Variants in ATP6V0A4 observed in about 807,000 individuals in gnomAD.
ATP6V0A4 encodes the protein ATPase H+ transporting V0 subunit a4, also known as V-type proton ATPase 116 kDa subunit a 4.
ATP6V0A4 carries 86 observed loss-of-function variants against 107.3 expected under a neutral mutation model. The observed-to-expected ratio is 0.80, with a 90% CI of 0.67 to 0.96. The LOEUF (loss-of-function observed/expected upper bound fraction) is 0.96. Among genes scored for constraint, ATP6V0A4 ranks in the 40% least tolerant of loss-of-function variants. ATP6V0A4 has a pLI of 0.00. For synonymous variants in ATP6V0A4, 353 were observed against 381.4 expected, an observed-to-expected ratio of 0.93 and a Z score of 0.87; for missense variants, 908 against 1,045.6, an observed-to-expected ratio of 0.87 and a Z score of 1.81.
Position 138,768,099 on chromosome 7 carries a change from A to G in ATP6V0A4, c.291+681T>C, listed in dbSNP as rs369967207. On this transcript the variant is annotated intron_variant, in intron 5 of 21. Coordinates refer to ENST00000310018, the MANE Select transcript of ATP6V0A4 (RefSeq NM_020632.3). ...CAGGCACCTACCACCACCCCCGGCT[A>G]ATTTTTGTATATTTAGTAGAGACAG... Among the ~76,000 whole-genome samples the G allele has an allele frequency of 1.9e-4, 29 of 152,124 alleles. 1 individual carries two copies. Among genetic ancestry groups the G allele is most frequent in the African/African-American group, 6.5e-4 (27 of 41,506 alleles).
intron 15 of ATP6V0A4, among the ~76,000 whole-genome samples, chr7:138,734,873 C>T (rs1410430895): frequency 2.6e-5 from 4 of 151,748 alleles, no homozygotes; most frequent in Non-Finnish European, 5.9e-5. Context: ...GCCTATAGCT[C>T]ATTGGCCCAT....
intron 7 of ATP6V0A4, among the ~76,000 whole-genome samples, chr7:138,760,981 A>G (rs953996153): frequency 2.6e-5 from 4 of 151,846 alleles, no homozygotes; most frequent in African/African-American, 9.7e-5. Context: ...TTTTTATTAA[A>G]ATTTTTTTTT....
chr7:138,770,199 AAAAGT>A (rs1406620255), intron 3 of ATP6V0A4, among the ~76,000 whole-genome samples: 5 of 152,252 alleles, frequency 3.3e-5, no homozygotes, highest in South Asian at 4.1e-4. Context: ...CTGAAAAAAG[AAAAGT>A]AAAGTAAAAA....
rs775218238 is a variant in ATP6V0A4 at position 138,752,627 on chromosome 7, T to C, written c.1027A>G (p.Met343Val). ...TRIKRALEQGMELSGSSMAPI... is the reference protein window; with the variant it reads ...TRIKRALEQGVELSGSSMAPI... ...TCCTGGCTCCACCTGCCACGCACCATGCCTTGCTCCAGTGCCCTCTTGATA... is the reference window on the plus strand; with the variant it reads ...TCCTGGCTCCACCTGCCACGCACCACGCCTTGCTCCAGTGCCCTCTTGATA... Residue 343 changes from methionine to valine, a missense_variant and splice_region_variant, in exon 11 of 22, where the codon ATG becomes GTG. Transcript: ENST00000310018. 2 of 1,613,126 alleles carry C rather than the reference T, an allele frequency of 1.2e-6. No individual in the cohort carries two copies. The highest frequency in any genetic ancestry group is 4.5e-5 in the East Asian group (2 of 44,852).
intron 2 of ATP6V0A4, among the ~76,000 whole-genome samples, chr7:138,775,101 C>A (rs1330638830): frequency 2.0e-5 from 3 of 152,124 alleles, no homozygotes; most frequent in Non-Finnish European, 4.4e-5. Context: ...GGACTCTCCC[C>A]ACCAGTGGCC....
At chr7:138,748,018 A>G (rs147668939) in intron 12 of ATP6V0A4, among the ~76,000 whole-genome samples, 34 of 152,042 alleles carry the variant, frequency 2.2e-4, no homozygotes, top group African/African-American at 8.2e-4. Flanking sequence ...GGCCTCCCAA[A>G]GTGTTGGGAT....
intron 2 of ATP6V0A4, among the ~76,000 whole-genome samples, chr7:138,774,453 T>A (rs971286612): frequency 6.6e-6 from 1 of 151,472 alleles, no homozygotes; most frequent in Non-Finnish European, 1.5e-5. Flanking sequence ...TGGTGGCGGG[T>A]GCCTGTAATC....
At chr7:138,712,198 G>A (rs12374769) in intron 20 of ATP6V0A4, among the ~76,000 whole-genome samples, 45,869 of 152,042 alleles carry the variant, frequency 0.3, 7,120 homozygotes, top group Admixed American at 0.38. Flanking sequence ...GCCTCCCAAA[G>A]TGCTGGGATT....
At chr7:138,798,001 C>T (rs1485413924) in intron 1 of ATP6V0A4, 33 bp downstream of exon 1, 6 of 1,548,430 alleles carry the variant, frequency 3.9e-6, no homozygotes, top group South Asian at 2.4e-5. Context: ...GGCAGAGTTG[C>T]TTTCCAGCTC....
intron 18 of ATP6V0A4, among the ~76,000 whole-genome samples, chr7:138,728,313 C>T (rs1280606254): frequency 6.7e-6 from 1 of 149,534 alleles, no homozygotes; most frequent in Non-Finnish European, 1.5e-5. Flanking sequence ...ATCTCCCCCA[C>T]CACCCTGGGC....
In ATP6V0A4 at chr7:138,715,765, T is replaced by C. The variant is rs1206301661; in HGVS notation, c.2256A>G (p.Ala752=). The C allele has an allele frequency of 6.2e-7, 1 of 1,613,616 alleles. No homozygotes were observed. The change falls in exon 20 of 22, where the codon GCA becomes GCG. Residue 752 remains alanine, a splice_region_variant and synonymous_variant. Transcript: ENST00000310018. ...LRLWALSLAH[A]QLSEVLWTMV... ...CCCCCCGATGGGCTGCTCACTCACG[T>C]GCATGAGCCAGGCTGAGGGCCCAGA...
At chr7:138,752,384 A>C (rs1806277367) in intron 11 of ATP6V0A4, among the ~76,000 whole-genome samples, 1 of 151,580 alleles carries the variant, frequency 6.6e-6, no homozygotes, top group Non-Finnish European at 1.5e-5. Flanking sequence ...TTTTTTTTAA[A>C]AAAACCTCAA....
chr7:138,791,284 A>G (rs1470568514), intron 1 of ATP6V0A4, among the ~76,000 whole-genome samples: 1 of 152,198 alleles, frequency 6.6e-6, no homozygotes, highest in Non-Finnish European at 1.5e-5. Flanking sequence ...AAAAGGCAAT[A>G]TCCAGAGTAA....
intron 19 of ATP6V0A4, among the ~76,000 whole-genome samples, chr7:138,716,561 AG>A (rs1804044547): frequency 2.3e-5 from 2 of 87,156 alleles, no homozygotes; most frequent in African/African-American, 9.6e-5. Context: ...CTGATGTGAC[AG>A]ACAATTTTTT....
rs1807359564 is a variant in ATP6V0A4 at position 138,771,117 on chromosome 7, A to G, written c.117+14T>C. ...CCCTGCCTTCCTCTTATCTCCAAAG[A>G]ACTCAGTACCTACATCTTTGAACTG... is the stretch of plus-strand genomic sequence containing the variant. On this transcript the variant is annotated intron_variant, in intron 3 of 21. Coordinates refer to ENST00000310018, the MANE Select transcript of ATP6V0A4 (RefSeq NM_020632.3). 1.9e-6 allele frequency: 3 copies of G among 1,612,192 alleles called. No individual in the cohort carries two copies. Among genetic ancestry groups the G allele is most frequent in the East Asian group, 2.2e-5 (1 of 44,872 alleles).
chr7:138,747,022 A>C (rs1326812772), intron 13 of ATP6V0A4, among the ~76,000 whole-genome samples: 1 of 152,194 alleles, frequency 6.6e-6, no homozygotes, highest in Non-Finnish European at 1.5e-5. Flanking sequence ...CAATTTTTGA[A>C]AAATTGGTGG....
At chr7:138,741,305 T>G (rs1805622139) in intron 14 of ATP6V0A4, among the ~76,000 whole-genome samples, 1 of 152,196 alleles carries the variant, frequency 6.6e-6, no homozygotes, top group Non-Finnish European at 1.5e-5. Context: ...CCTACTGTCC[T>G]GGCCCTCAAT....
At chr7:138,723,435 T>C (rs1190561823) in intron 18 of ATP6V0A4, among the ~76,000 whole-genome samples, 1 of 152,122 alleles carries the variant, frequency 6.6e-6, no homozygotes, top group Non-Finnish European at 1.5e-5. Flanking sequence ...TGAAGCTTAA[T>C]GTCCCATGTC....
chr7:138,784,405 G>C (rs1005800842), intron 2 of ATP6V0A4, among the ~76,000 whole-genome samples: 1 of 148,484 alleles, frequency 6.7e-6, no homozygotes, highest in Non-Finnish European at 1.5e-5. Context: ...TGCAAGCTCC[G>C]TCTCCTGGGT....
Sources: allele counts gnomAD v4.1 joint callset (sites outside exome capture counted in the v4.1 genomes callset), GRCh38; gene constraint gnomAD v4.1.1; transcripts MANE v1.5; gene names NCBI Gene and HGNC (gene_info 2026-07-23, HGNC 2026-07-21).